Variants in CDC42SE2 observed in about 807,000 individuals in gnomAD.
The protein encoded by CDC42SE2 is CDC42 small effector protein 2.
Under a neutral mutation model 11.5 loss-of-function variants are expected in CDC42SE2, and 3 were observed. The observed-to-expected ratio is 0.26, with a 90% CI of 0.12 to 0.67. The LOEUF (loss-of-function observed/expected upper bound fraction) is 0.67, where lower values mean the gene tolerates loss of function less well. Ranked by LOEUF, CDC42SE2 falls within the 30% of genes least tolerant of loss-of-function variation. The probability of loss-of-function intolerance (pLI) is 0.80; values close to 1 mark genes in which losing one functional copy is unlikely to be tolerated. For missense variants in CDC42SE2, 82 were observed against 106.8 expected (o/e 0.77, Z 1.02); for synonymous variants, 33 against 34.8 (o/e 0.95, Z 0.18).
intron 3 of CDC42SE2, among the ~76,000 whole-genome samples, chr5:131,370,077 G>C (rs985615042): frequency 6.6e-6 from 1 of 152,110 alleles, no homozygotes; most frequent in Admixed American, 6.6e-5. Flanking sequence ...ATAAAGAGAA[G>C]GTCTAGTATT....
chr5:131,354,700 GC>G (rs1350385855), intron 2 of CDC42SE2: 1 of 151,730 alleles, frequency 6.6e-6, no homozygotes, highest in African/African-American at 2.4e-5. Context: ...ACCTGTTTTT[GC>G]TATAGCAGAA....
At chr5:131,323,188 G>A (rs185479990) in intron 2 of CDC42SE2, among the ~76,000 whole-genome samples, 1 of 148,436 alleles carries the variant, frequency 6.7e-6, no homozygotes, top group African/African-American at 2.5e-5. Flanking sequence ...CACCACACCT[G>A]GCTTTTTTTT....
At chr5:131,276,030 AG>A (rs1310226079) in intron 1 of CDC42SE2, among the ~76,000 whole-genome samples, 2 of 152,096 alleles carry the variant, frequency 1.3e-5, no homozygotes, top group Non-Finnish European at 2.9e-5. Flanking sequence ...TTTTACTGAT[AG>A]TTGGGAAATG....
rs529086111 is a variant in CDC42SE2, at chr5:131,355,477, CAAAA to C, written c.-285-3727_-285-3724del. ...GGGCAACAGAGCTGAAACTCTGTCTCAAAAAAAAGAAAGAGAGAGAGAAAGAGAA... is the reference window on the plus strand; with the variant it reads ...GGGCAACAGAGCTGAAACTCTGTCTCAAAAGAAAGAGAGAGAGAAAGAGAA... On this transcript the variant is annotated intron_variant, in intron 2 of 4. Coordinates refer to ENST00000505065, the MANE Select transcript of CDC42SE2 (RefSeq NM_001375635.1). 2.1e-3 allele frequency among the ~76,000 whole-genome samples: 303 copies of C among 147,764 alleles called. 1 individual carries two copies. The highest frequency in any genetic ancestry group is 7.2e-3 in the African/African-American group (289 of 40,052).
At chr5:131,263,095 G>A (rs1756766201), upstream of CDC42SE2, among the ~76,000 whole-genome samples, 1 of 139,272 alleles carries the variant, frequency 7.2e-6, no homozygotes, top group Non-Finnish European at 1.5e-5. Context: ...AACACACCAG[G>A]GTAATTTTTT....
intron 2 of CDC42SE2, among the ~76,000 whole-genome samples, chr5:131,332,202 G>A (rs1424595434): frequency 6.6e-6 from 1 of 152,104 alleles, no homozygotes; most frequent in East Asian, 1.9e-4. Context: ...CCACCTATGA[G>A]TGAGAACATG....
intron 1 of CDC42SE2, among the ~76,000 whole-genome samples, chr5:131,287,813 G>C (rs1757372672): frequency 6.6e-6 from 1 of 151,982 alleles, no homozygotes; most frequent in African/African-American, 2.4e-5. Context: ...GGATTGAATA[G>C]GTAAAATATT....
chr5:131,281,602 A>G (rs533449732), intron 1 of CDC42SE2, among the ~76,000 whole-genome samples: 1 of 152,148 alleles, frequency 6.6e-6, no homozygotes, highest in African/African-American at 2.4e-5. Context: ...TTTAAGATTT[A>G]TTTTGTGAAC....
At chr5:131,295,559 G>C in intron 1 of CDC42SE2, among the ~76,000 whole-genome samples, 1 of 152,074 alleles carries the variant, frequency 6.6e-6, no homozygotes, top group East Asian at 1.9e-4. Context: ...ACATACATAA[G>C]TATATATAGT....
intron 2 of CDC42SE2, among the ~76,000 whole-genome samples, chr5:131,332,188 A>G (rs6863990): frequency 0.12 from 18,077 of 151,410 alleles, 2,348 homozygotes; most frequent in African/African-American, 0.34. Flanking sequence ...TCATTGTTCA[A>G]TTCCCACCTA....
At chr5:131,237,574 T>C in the CDC42SE2 span, among the ~76,000 whole-genome samples, 1 of 152,266 alleles carries the variant, frequency 6.6e-6, no homozygotes, top group East Asian at 1.9e-4. Context: ...TTTTTTTGCT[T>C]TCATTTTATT....
chr5:131,345,135 A>T (rs973957028), intron 2 of CDC42SE2, among the ~76,000 whole-genome samples: 1 of 152,226 alleles, frequency 6.6e-6, no homozygotes, highest in Non-Finnish European at 1.5e-5. Context: ...AACGGAACAA[A>T]GCTGGACAGA....
chr5:131,229,111 A>G, the CDC42SE2 span, among the ~76,000 whole-genome samples: 1 of 152,158 alleles, frequency 6.6e-6, no homozygotes, highest in Non-Finnish European at 1.5e-5. Flanking sequence ...GGAGAGAACC[A>G]GGCTCTCATT....
intron 2 of CDC42SE2, among the ~76,000 whole-genome samples, chr5:131,330,080 G>A (rs989101286): frequency 2.0e-5 from 3 of 151,960 alleles, no homozygotes; most frequent in Non-Finnish European, 4.4e-5. Flanking sequence ...TCAGCTAATG[G>A]TATTCAGCTA....
chr5:131,332,837 T>C (rs1758454575), intron 2 of CDC42SE2, among the ~76,000 whole-genome samples: 1 of 152,240 alleles, frequency 6.6e-6, no homozygotes, highest in African/African-American at 2.4e-5. Flanking sequence ...CTTGTAAATT[T>C]GTTTGACTTC....
At chr5:131,314,604 T>C (rs1358171448) in intron 1 of CDC42SE2, among the ~76,000 whole-genome samples, 4 of 152,176 alleles carry the variant, frequency 2.6e-5, no homozygotes, top group Non-Finnish European at 5.9e-5. Context: ...TTAATCTTGG[T>C]TTTTGAGTAT....
At chr5:131,377,880 A>G (rs1750202156) in intron 3 of CDC42SE2, among the ~76,000 whole-genome samples, 1 of 152,242 alleles carries the variant, frequency 6.6e-6, no homozygotes, top group Non-Finnish European at 1.5e-5. Context: ...TTCTTGAGAA[A>G]TATTTGGCGA....
At chr5:131,286,399 T>TG (rs1445092191) in intron 1 of CDC42SE2, among the ~76,000 whole-genome samples, 1 of 150,170 alleles carries the variant, frequency 6.7e-6, no homozygotes, top group Non-Finnish European at 1.5e-5. Flanking sequence ...TTTTTTTTTT[T>TG]TTTTTTTTTA....
chr5:131,280,705 C>T (rs1427769789), intron 1 of CDC42SE2, among the ~76,000 whole-genome samples: 1 of 152,074 alleles, frequency 6.6e-6, no homozygotes, highest in East Asian at 1.9e-4. Context: ...TTAATAATAG[C>T]CCTAGGGTAA....
Sources: gnomAD v4.1 joint callset for allele counts (sites outside exome capture counted in the v4.1 genomes callset) on GRCh38, gnomAD v4.1.1 for gene constraint, MANE v1.5 for transcripts, NCBI Gene and HGNC (gene_info 2026-07-23, HGNC 2026-07-21) for gene names.